Variants in CFTR observed in about 807,000 individuals in gnomAD.
CFTR encodes the protein CF transmembrane conductance regulator, also known as cystic fibrosis transmembrane conductance regulator.
A neutral mutation model predicts 171.6 loss-of-function variants in CFTR; 181 were observed. That is an observed-to-expected ratio of 1.05 (90% CI 0.93 to 1.19). The LOEUF (loss-of-function observed/expected upper bound fraction) is 1.19. Ranked by LOEUF, CFTR falls within the 50% of genes most tolerant of loss-of-function variation. The probability of loss-of-function intolerance (pLI) is 0.00; values close to 1 mark genes in which losing one functional copy is unlikely to be tolerated. For missense variants in CFTR, 1,968 were observed against 1,734.7 expected (o/e 1.13, Z -2.39); for synonymous variants, 583 against 608.0 (o/e 0.96, Z 0.60).
chr7:117,663,509 TAAAAAAA>T (rs71148372), intron 24 of CFTR, among the ~76,000 whole-genome samples: 1 of 124,420 alleles, frequency 8.0e-6, no homozygotes. Flanking sequence ...CTTGTCCAGC[TAAAAAAA>T]AAAAAAAAAA....
At chr7:117,551,385 AT>A (rs1799268515) in intron 10 of CFTR, among the ~76,000 whole-genome samples, 2 of 152,206 alleles carry the variant, frequency 1.3e-5, no homozygotes, top group Non-Finnish European at 2.9e-5. Context: ...GTATGTATAT[AT>A]GTGTGTCTGG....
chr7:117,607,544 G>C (rs1361003237), intron 18 of CFTR, among the ~76,000 whole-genome samples: 1 of 152,212 alleles, frequency 6.6e-6, no homozygotes, highest in Non-Finnish European at 1.5e-5. Flanking sequence ...TCAAGCTCCA[G>C]AGAGCAAATG....
rs144441835 is a variant in CFTR, at chr7:117,610,594, G to A, written c.3064G>A (p.Val1022Met). The change falls in exon 19 of 27, where the codon GTG becomes ATG. Residue 1022 changes from valine (V) to methionine (M), a missense_variant. Coordinates refer to ENST00000003084, the MANE Select transcript of CFTR (RefSeq NM_000492.4). ...QPYIFVATVP[V>M]IVAFIMLRAY... ...CTACATCTTTGTTGCAACAGTGCCA[G>A]TGATAGTGGCTTTTATTATGTTGAG... The A allele has an allele frequency of 1.9e-6, 3 of 1,613,328 alleles. No homozygotes were observed. The African/African-American group carries it at 4.0e-5, about 22-fold the overall frequency.
chr7:117,529,175 A>G, intron 3 of CFTR, among the ~76,000 whole-genome samples: 1 of 92,306 alleles, frequency 1.1e-5, no homozygotes, highest in Non-Finnish European at 1.9e-5. Context: ...ACCATGGAAT[A>G]CTATACAGCC....
intron 3 of CFTR, among the ~76,000 whole-genome samples, chr7:117,510,850 C>A (rs77074965): frequency 0.019 from 2,838 of 152,004 alleles, 42 homozygotes; most frequent in Non-Finnish European, 0.029. Flanking sequence ...GGTCTTTATG[C>A]AGATTATTTT....
At chr7:117,603,494 T>A (rs771237270) in intron 16 of CFTR, 38 bp from the exon 17 acceptor site, 28 of 1,612,638 alleles carry the variant, frequency 1.7e-5, no homozygotes, top group Non-Finnish European at 2.0e-5. Flanking sequence ...AGTAAGTAAC[T>A]TTGGCTGCCA....
intron 24 of CFTR, among the ~76,000 whole-genome samples, chr7:117,660,646 A>T (rs1261840242): frequency 6.6e-6 from 1 of 151,670 alleles, no homozygotes; most frequent in Non-Finnish European, 1.5e-5. Context: ...GAAGAAAGAA[A>T]GATTATATTG....
chr7:117,658,638 C>T (rs1793217844), intron 24 of CFTR, among the ~76,000 whole-genome samples: 1 of 152,188 alleles, frequency 6.6e-6, no homozygotes, highest in African/African-American at 2.4e-5. Flanking sequence ...CCTAATTCCA[C>T]TGAATGGCAT....
intron 3 of CFTR, among the ~76,000 whole-genome samples, chr7:117,530,498 GTCTC>G (rs1798840718): frequency 6.6e-6 from 1 of 151,932 alleles, no homozygotes; most frequent in African/African-American, 2.4e-5. Context: ...AGCAAAGAAA[GTCTC>G]TATAGTAAAC....
intron 14 of CFTR, among the ~76,000 whole-genome samples, chr7:117,594,015 T>C (rs1335857802): frequency 6.6e-6 from 1 of 152,234 alleles, no homozygotes; most frequent in Non-Finnish European, 1.5e-5. Context: ...TTTCTATTAA[T>C]GGATTGCATC....
intron 14 of CFTR, 26 bp downstream of exon 14, chr7:117,592,683 T>A: frequency 1.3e-6 from 2 of 1,489,946 alleles, no homozygotes; most frequent in Non-Finnish European, 1.8e-6. Context: ...TTGGGGGTAT[T>A]TCACCCCACA....
chr7:117,567,188 C>T (rs1379804288), intron 11 of CFTR, among the ~76,000 whole-genome samples: 1 of 151,968 alleles, frequency 6.6e-6, no homozygotes, highest in Non-Finnish European at 1.5e-5. Flanking sequence ...TTGAGATTCT[C>T]GACTCTACAC....
chr7:117,657,564 C>A (rs1793202733), intron 24 of CFTR, among the ~76,000 whole-genome samples: 1 of 152,176 alleles, frequency 6.6e-6, no homozygotes, highest in African/African-American at 2.4e-5. Context: ...TCTAATACAG[C>A]TGATAATACA....
At position 117,559,631 on chromosome 7, in the gene CFTR, C is replaced by T. The variant is rs768151081; in HGVS notation, c.1560C>T (p.Val520=). ...ATGATGAATATAGATACAGAAGCGT[C>T]ATCAAAGCATGCCAACTAGAAGAGG... The part of the protein sequence containing the change: ...VSYDEYRYRS[V]IKACQLEEDI... Residue 520 remains valine (V), a synonymous_variant, in exon 11 of 27, where the codon GTC becomes GTT. Transcript: ENST00000003084. 14 of 1,613,022 alleles carry T rather than the reference C, an allele frequency of 8.7e-6. No individual in the cohort carries two copies. In the South Asian group the frequency reaches 1.1e-4, roughly 13 times the overall value.
chr7:117,536,474 G>A, intron 6 of CFTR, 74 bp from the exon 7 acceptor site: 1 of 1,394,366 alleles, frequency 7.2e-7, no homozygotes, highest in Non-Finnish European at 9.8e-7. Context: ...TTAAAACCTT[G>A]AGCAGTTCTT....
intron 4 of CFTR, among the ~76,000 whole-genome samples, chr7:117,531,811 G>A (rs937327885): frequency 6.6e-6 from 1 of 152,092 alleles, no homozygotes; most frequent in Non-Finnish European, 1.5e-5. Flanking sequence ...ACTACCATGT[G>A]TTACTAACTT....
chr7:117,594,839 A>T, intron 14 of CFTR, 91 bp from the exon 15 acceptor site: 3 of 1,140,470 alleles, frequency 2.6e-6, no homozygotes, highest in South Asian at 2.6e-5. Flanking sequence ...AAGTAATACT[A>T]TTCTTTTATT....
In CFTR at chr7:117,504,482, G is replaced by A. The variant is rs914750027; in HGVS notation, c.164+119G>A. On this transcript the variant is annotated intron_variant, in intron 2 of 26. Transcript: ENST00000003084. ...ATATTTAAAAATAGGAGCCAAGTAT[G>A]GTGGCTAATGCCTGTAATCCCAACT... 9.7e-5 allele frequency: 65 copies of A among 670,938 alleles called. No individual in the cohort carries two copies. The South Asian group carries it at 1.1e-3, about 11-fold the overall frequency. The allele number at this position is 670,938 out of a possible 1,614,324, so 41.6% of individuals were successfully genotyped here.
At chr7:117,581,719 G>C (rs1042632012) in intron 11 of CFTR, among the ~76,000 whole-genome samples, 3 of 151,996 alleles carry the variant, frequency 2.0e-5, no homozygotes, top group Admixed American at 1.3e-4. Flanking sequence ...TACTACTCAT[G>C]TTTTGTATTT....
Sources: gnomAD v4.1 joint callset for allele counts (sites outside exome capture counted in the v4.1 genomes callset) on GRCh38, gnomAD v4.1.1 for gene constraint, MANE v1.5 for transcripts, NCBI Gene and HGNC (gene_info 2026-07-23, HGNC 2026-07-21) for gene names.